Variants in TMOD3 observed in about 807,000 individuals in gnomAD.
TMOD3 encodes tropomodulin 3.
Under a neutral mutation model 39.2 loss-of-function variants are expected in TMOD3, and 20 were observed. That is an observed-to-expected ratio of 0.51 (90% CI 0.36 to 0.74). The LOEUF (loss-of-function observed/expected upper bound fraction) is 0.74. TMOD3 is among the 30% of genes least tolerant of loss of function. The probability of loss-of-function intolerance (pLI) is 0.00; values close to 1 mark genes in which losing one functional copy is unlikely to be tolerated. For missense variants in TMOD3, 381 were observed against 412.8 expected (o/e 0.92, Z 0.67); for synonymous variants, 143 against 145.8 (o/e 0.98, Z 0.14).
chr15:51,896,343 C>A (rs542334046), intron 6 of TMOD3, 76 bp from the exon 7 acceptor site: 234 of 1,042,920 alleles, frequency 2.2e-4, no homozygotes, highest in Middle Eastern at 6.3e-4. Context: ...GCAAAAAAAA[C>A]CATATATTTG....
chr15:51,830,286 C>CT (rs1158523275), intron 1 of TMOD3, among the ~76,000 whole-genome samples: 1 of 152,162 alleles, frequency 6.6e-6, no homozygotes, highest in Non-Finnish European at 1.5e-5. Context: ...AGGGCACACC[C>CT]TTTTTGTGAT....
chr15:51,906,182 T>C (rs1363175977), intron 9 of TMOD3, among the ~76,000 whole-genome samples: 3 of 152,140 alleles, frequency 2.0e-5, no homozygotes, highest in Admixed American at 6.5e-5. Context: ...CTTAACTTTT[T>C]TTCAGCTGTA....
At chr15:51,894,491 A>T (rs1405663505) in intron 6 of TMOD3, among the ~76,000 whole-genome samples, 1 of 152,206 alleles carries the variant, frequency 6.6e-6, no homozygotes, top group Non-Finnish European at 1.5e-5. Flanking sequence ...ACAGGTGCAT[A>T]CAATTTTGTA....
At chr15:51,831,941 G>A (rs141952278) in intron 1 of TMOD3, among the ~76,000 whole-genome samples, 2,750 of 152,106 alleles carry the variant, frequency 0.018, 47 homozygotes, top group Middle Eastern at 0.044. Context: ...CCAGCACTTT[G>A]GGAGGCCAAG....
rs547814954 is a variant in TMOD3, at chr15:51,876,774, T to A, written c.283+7401T>A. ...CCGCACCCGGCCCCAGCGCTTTTTTTAAAAAAAAAAATCTTCCGTCCAGGC... is the reference window on the plus strand; with the variant it reads ...CCGCACCCGGCCCCAGCGCTTTTTTAAAAAAAAAAAATCTTCCGTCCAGGC... On this transcript the variant is annotated intron_variant, in intron 3 of 9. Transcript: ENST00000308580. Among the ~76,000 whole-genome samples the A allele has an allele frequency of 6.8e-4, 101 of 149,626 alleles. 3 individuals carry two copies. In the East Asian group the frequency reaches 0.012, roughly 17 times the overall value.
In TMOD3 at chr15:51,909,767, C is replaced by G. The variant is rs1041599663; in HGVS notation, c.*957C>G. 1 of 152,196 alleles carries G rather than the reference C, an allele frequency of 6.6e-6. No homozygotes were observed. The highest frequency in any genetic ancestry group is 6.5e-5 in the Admixed American group (1 of 15,280). 9.4% of individuals were successfully genotyped at this position (152,196 alleles called of 1,614,324 possible). On this transcript the variant is annotated 3_prime_UTR_variant, in exon 10 of 10. Transcript: ENST00000308580. ...TTACTGTAAGTCAGTTGGAAGCTGG[C>G]ATGTATGTAAATTACTTGGTGTTAC...
At position 51,887,574 on chromosome 15, in the gene TMOD3, T is replaced by A; in HGVS notation, c.284-15T>A. ...AGCAGTAGTAATGGAATTAACAAAA[T>A]GCTTTATTTTACAGGGAAAATATTT... On this transcript the variant is annotated splice_polypyrimidine_tract_variant and intron_variant, in intron 3 of 9. Coordinates refer to ENST00000308580, the MANE Select transcript of TMOD3 (RefSeq NM_014547.5). The A allele has an allele frequency of 6.2e-7, 1 of 1,607,862 alleles. No homozygotes were observed. Among genetic ancestry groups the A allele is most frequent in the African/African-American group, 1.3e-5 (1 of 74,480 alleles).
chr15:51,887,636 G>A lies in TMOD3; in HGVS notation c.331G>A (p.Glu111Lys). 6.2e-7 allele frequency: 1 copy of A among 1,613,914 alleles called. No individual in the cohort carries two copies. Among genetic ancestry groups the A allele is most frequent in the Non-Finnish European group, 8.5e-7 (1 of 1,179,924 alleles). ...KQKPVQTFTE[E>K]KVSLDPELEE... The stretch of plus-strand genomic sequence containing the variant: ...GAAACCTGTACAGACTTTTACAGAA[G>A]AAAAAGTGTCTCTTGATCCAGAATT... Residue 111 changes from glutamate to lysine, a missense_variant, in exon 4 of 10, where the codon GAA becomes AAA. Coordinates refer to ENST00000308580, the MANE Select transcript of TMOD3 (RefSeq NM_014547.5).
At chr15:51,841,189 CAA>C (rs942535798) in intron 1 of TMOD3, among the ~76,000 whole-genome samples, 1 of 152,108 alleles carries the variant, frequency 6.6e-6, no homozygotes, top group African/African-American at 2.4e-5. Flanking sequence ...GGTATACAAA[CAA>C]AAATTGATTC....
At chr15:51,889,693 C>G (rs980020311) in intron 5 of TMOD3, among the ~76,000 whole-genome samples, 1 of 152,008 alleles carries the variant, frequency 6.6e-6, no homozygotes, top group Non-Finnish European at 1.5e-5. Flanking sequence ...AACGTAGACC[C>G]CCATCTCTAA....
At chr15:51,874,078 C>T (rs2056489351) in intron 3 of TMOD3, among the ~76,000 whole-genome samples, 1 of 152,192 alleles carries the variant, frequency 6.6e-6, no homozygotes, top group African/African-American at 2.4e-5. Context: ...CAGAATTACA[C>T]ATAACTGGCC....
intron 1 of TMOD3, among the ~76,000 whole-genome samples, chr15:51,843,055 T>C (rs2056320116): frequency 6.6e-6 from 1 of 152,186 alleles, no homozygotes; most frequent in Admixed American, 6.5e-5. Context: ...ACCGTACTCA[T>C]GACTCAGTGG....
intron 3 of TMOD3, among the ~76,000 whole-genome samples, chr15:51,876,025 G>A (rs2056501347): frequency 6.6e-6 from 1 of 152,134 alleles, no homozygotes; most frequent in Non-Finnish European, 1.5e-5. Context: ...TTGTTATAAT[G>A]AAATGACCTT....
In TMOD3 at chr15:51,908,802, C is replaced by T. The variant is rs1280123463; in HGVS notation, c.1051C>T (p.His351Tyr). ...GCGTAAGAGACGAGTTGAAGGAGAT[C>T]ACCAGTAAGTCTGCAAAGGTGTAAT... Reference protein sequence around the residue: ...LVRKRRVEGDHQ With the variant: ...LVRKRRVEGDYQ The change falls in exon 10 of 10, where the codon CAC (histidine) becomes TAC (tyrosine). Residue 351 changes from histidine (H) to tyrosine (Y), a missense_variant. Physicochemically the swap from His to Tyr is moderately conservative, Grantham distance 83. Transcript: ENST00000308580. The T allele has an allele frequency of 3.7e-6, 6 of 1,607,064 alleles. No homozygotes were observed. Among genetic ancestry groups the T allele is most frequent in the Non-Finnish European group, 5.1e-6 (6 of 1,177,184 alleles).
At chr15:51,859,327 A>G in intron 1 of TMOD3, 1 of 723,428 alleles carries the variant, frequency 1.4e-6, no homozygotes, top group Non-Finnish European at 2.6e-6. Flanking sequence ...TCCTTGATAC[A>G]ATCCACCCAA....
rs943579027 is a variant in TMOD3, at chr15:51,910,411, A to G, written c.*1601A>G. On this transcript the variant is annotated 3_prime_UTR_variant, in exon 10 of 10. Transcript: ENST00000308580. The stretch of plus-strand genomic sequence containing the variant: ...GCCAACATGGTGAAACCCTGTCTCT[A>G]CTAAAAATCAAAAAAGTAGCCGGGT... 5 of 152,270 alleles carry G rather than the reference A, an allele frequency of 3.3e-5. No individual in the cohort carries two copies. Among genetic ancestry groups the G allele is most frequent in the Non-Finnish European group, 7.3e-5 (5 of 68,152 alleles). 9.4% of individuals were successfully genotyped at this position (152,270 alleles called of 1,614,324 possible).
At chr15:51,898,691 G>C (rs2056633774) in intron 7 of TMOD3, among the ~76,000 whole-genome samples, 1 of 152,132 alleles carries the variant, frequency 6.6e-6, no homozygotes, top group South Asian at 2.1e-4. Flanking sequence ...ACGCCCTATT[G>C]CCTTTCCTTT....
At chr15:51,898,036 T>C (rs1175490327) in intron 7 of TMOD3, among the ~76,000 whole-genome samples, 6 of 152,180 alleles carry the variant, frequency 3.9e-5, no homozygotes, top group Admixed American at 3.9e-4. Context: ...GAGTGATTCT[T>C]TTAAAACTTA....
At chr15:51,841,137 A>ATT (rs1364447721) in intron 1 of TMOD3, among the ~76,000 whole-genome samples, 6 of 152,226 alleles carry the variant, frequency 3.9e-5, no homozygotes, top group African/African-American at 1.2e-4. Context: ...TTGCAAGGTT[A>ATT]TTATGAGGAG....
Sources: gnomAD v4.1 joint callset for allele counts (sites outside exome capture counted in the v4.1 genomes callset) on GRCh38, gnomAD v4.1.1 for gene constraint, MANE v1.5 for transcripts, NCBI Gene and HGNC (gene_info 2026-07-23, HGNC 2026-07-21) for gene names.